WNT4: variants seen among roughly 807,000 people sequenced by gnomAD.
The protein encoded by WNT4 is protein Wnt-4.
Under a neutral mutation model 34.5 loss-of-function variants are expected in WNT4, and 16 were observed. That is an observed-to-expected ratio of 0.46 (90% confidence interval 0.31 to 0.70). The LOEUF (loss-of-function observed/expected upper bound fraction) is 0.70, where lower values mean the gene tolerates loss of function less well. Among genes scored for constraint, WNT4 ranks in the 30% least tolerant of loss-of-function variants. The pLI, the probability that WNT4 is intolerant of heterozygous loss-of-function variation, is 0.04. For missense variants in WNT4, 379 were observed against 495.9 expected, an observed-to-expected ratio of 0.76 and a Z score of 2.24; for synonymous variants, 200 against 211.9, an observed-to-expected ratio of 0.94 and a Z score of 0.49.
At chr1:22,129,885 C>T (rs1464265608) in intron 1 of WNT4, 34 bp from the exon 2 acceptor site, 1 of 1,609,106 alleles carries the variant, frequency 6.2e-7, no homozygotes, top group Non-Finnish European at 8.5e-7. Flanking sequence ...GCAGAGCCCA[C>T]CTCCTCATCT....
At chr1:22,131,225 G>C (rs1004245707) in intron 1 of WNT4, among the ~76,000 whole-genome samples, 19 of 152,248 alleles carry the variant, frequency 1.2e-4, no homozygotes, top group African/African-American at 4.3e-4. Flanking sequence ...CTGGGGAGCT[G>C]TCTCCCCATC....
rs1040456 is a variant in WNT4 at position 22,134,022 on chromosome 1, A to G, written c.78-4171T>C. On this transcript the variant is annotated intron_variant, in intron 1 of 4. Transcript: ENST00000290167. The surrounding 1 kb of genome is among the most constrained non-coding windows in gnomAD (Gnocchi z 4.1). Reference sequence around the variant, plus strand: ...AATCTGCACCTCTGCGACTCCTCCCAGCTCTTACGCTGTGAGTCAAGAGGA... The same window carrying G: ...AATCTGCACCTCTGCGACTCCTCCCGGCTCTTACGCTGTGAGTCAAGAGGA... Among the ~76,000 whole-genome samples the G allele has an allele frequency of 0.94, 142,694 of 152,350 alleles. 66,969 individuals are homozygous for G. Among genetic ancestry groups the G allele is most frequent in the East Asian group, 1 (5,181 of 5,184 alleles).
In WNT4 at chr1:22,142,157, T is replaced by A. The variant is rs1156732235; in HGVS notation, c.77+689A>T. Among the ~76,000 whole-genome samples the A allele has an allele frequency of 6.6e-6, 1 of 152,108 alleles. No individual in the cohort carries two copies. The highest frequency in any genetic ancestry group is 2.4e-5 in the African/African-American group (1 of 41,424). On this transcript the variant is annotated intron_variant, in intron 1 of 4. Transcript: ENST00000290167. This position sits in a 1 kb window ranked among gnomAD's most constrained non-coding sequence, Gnocchi z 6.0. ...GGAGAAACAGACAGGTCACCAGCGG[T>A]TACCACCCCTTCCTCCTTAGGCTAG...
rs1463128976 is a variant in WNT4, at chr1:22,137,967, A to T, written c.77+4879T>A. Reference sequence around the variant, plus strand: ...GACAACAGCTGAGAACCCTCTAAACAAGCCCACCTTTCATTCATCCATCAA... The same window carrying T: ...GACAACAGCTGAGAACCCTCTAAACTAGCCCACCTTTCATTCATCCATCAA... On this transcript the variant is annotated intron_variant, in intron 1 of 4. Coordinates refer to ENST00000290167, the MANE Select transcript of WNT4 (RefSeq NM_030761.5). The surrounding 1 kb of genome is among the most constrained non-coding windows in gnomAD (Gnocchi z 5.3). 6.6e-6 allele frequency among the ~76,000 whole-genome samples: 1 copy of T among 152,156 alleles called. No individual in the cohort carries two copies. The highest frequency in any genetic ancestry group is 1.5e-5 in the Non-Finnish European group (1 of 68,030).
Position 22,142,874 on chromosome 1 carries a change from C to G in WNT4, c.49G>C (p.Val17Leu). 1 of 1,211,488 alleles carries G rather than the reference C, an allele frequency of 8.3e-7. No homozygotes were observed. The highest frequency in any genetic ancestry group is 1.1e-6 in the Non-Finnish European group (1 of 946,490). 75.0% of individuals were successfully genotyped at this position (1,211,488 alleles called of 1,614,324 possible). Reference protein sequence around the residue: ...LRSLRLLVFAVFSAAASNWLY... With the variant: ...LRSLRLLVFALFSAAASNWLY... ...CAGTTGCTCGCGGCGGCTGAGAAGA[C>G]GGCGAAGACGAGGAGGCGCAGCGAA... The change falls in exon 1 of 5, where the codon GTC becomes CTC. Residue 17 changes from valine to leucine, a missense_variant. By Grantham distance (32) the Val-to-Leu change is conservative (BLOSUM62 1). This residue lies in a region of WNT4 where 66 missense variants were observed against 50.1 expected (regional missense o/e 1.32). Transcript: ENST00000290167. This position sits in a 1 kb window ranked among gnomAD's most constrained non-coding sequence, Gnocchi z 6.0.
At position 22,137,938 on chromosome 1, in the gene WNT4, AT is replaced by A. The variant is rs1388089805; in HGVS notation, c.77+4907del. Among the ~76,000 whole-genome samples the A allele has an allele frequency of 6.6e-6, 1 of 152,196 alleles. No homozygotes were observed. The highest frequency in any genetic ancestry group is 6.5e-5 in the Admixed American group (1 of 15,280). ...TGCAGGCCTTTGAAGATGGGCTACC[AT>A]TGGACAACAGCTGAGAACCCTCTAA... is the stretch of plus-strand genomic sequence containing the variant. On this transcript the variant is annotated intron_variant, in intron 1 of 4. Coordinates refer to ENST00000290167, the MANE Select transcript of WNT4 (RefSeq NM_030761.5). This position sits in a 1 kb window ranked among gnomAD's most constrained non-coding sequence, Gnocchi z 5.3.
chr1:22,137,715 C>G lies in WNT4; in HGVS notation c.77+5131G>C, dbSNP rs2124132797. ...TCGTGACTGCTGCCTGAGCAACCCC[C>G]TCGGGCAGAGCCTGGTCCTGGGGTG... On this transcript the variant is annotated intron_variant, in intron 1 of 4. Transcript: ENST00000290167. This position sits in a 1 kb window ranked among gnomAD's most constrained non-coding sequence, Gnocchi z 5.3. Among the ~76,000 whole-genome samples, 1 of 152,332 alleles carries G rather than the reference C, an allele frequency of 6.6e-6. No homozygotes were observed. Among genetic ancestry groups the G allele is most frequent in the African/African-American group, 2.4e-5 (1 of 41,578 alleles).
chr1:22,122,580 A>G (rs1645909861), intron 2 of WNT4, among the ~76,000 whole-genome samples: 1 of 152,190 alleles, frequency 6.6e-6, no homozygotes, highest in African/African-American at 2.4e-5. Context: ...ACCAGACAGC[A>G]GACCATGCTC....
At chr1:22,124,704 A>G (rs1459462747) in intron 2 of WNT4, among the ~76,000 whole-genome samples, 1 of 152,192 alleles carries the variant, frequency 6.6e-6, no homozygotes, top group African/African-American at 2.4e-5. Flanking sequence ...TTCAGAGCGT[A>G]TCACTTGTGA....
At position 22,118,623 on chromosome 1, in the gene WNT4, G is replaced by C. The variant is rs1357368746; in HGVS notation, c.*1427C>G. 1.3e-5 allele frequency: 2 copies of C among 152,380 alleles called. No homozygotes were observed. The highest frequency in any genetic ancestry group is 4.8e-5 in the African/African-American group (2 of 41,448). 9.4% of individuals were successfully genotyped at this position (152,380 alleles called of 1,614,324 possible). A position where few individuals can be genotyped will look rare whatever the true frequency, so the allele number is the denominator to read the frequency against. On this transcript the variant is annotated 3_prime_UTR_variant, in exon 5 of 5. Transcript: ENST00000290167. The stretch of plus-strand genomic sequence containing the variant: ...CTGAGACCTCACTGTCAGCCTTCCA[G>C]CTGTTCACATCTTTCCTCAGAGCCT...
At chr1:22,136,800 A>AG (rs1036171603) in intron 1 of WNT4, among the ~76,000 whole-genome samples, 7 of 152,140 alleles carry the variant, frequency 4.6e-5, no homozygotes, top group African/African-American at 1.7e-4. Context: ...CCTGGCAGGA[A>AG]GGTTCCCCAG....
At chr1:22,128,783 G>A (rs1218114371) in intron 2 of WNT4, among the ~76,000 whole-genome samples, 2 of 151,442 alleles carry the variant, frequency 1.3e-5, no homozygotes, top group South Asian at 2.1e-4. Flanking sequence ...GCAGTGGCAC[G>A]ATCTCAGCTC....
chr1:22,127,571 C>A, intron 2 of WNT4: 1 of 443,864 alleles, frequency 2.3e-6, no homozygotes, highest in South Asian at 1.7e-5. Flanking sequence ...TGAGGAGATA[C>A]GCATTTCAAT....
At chr1:22,132,991 A>T (rs1645995718) in intron 1 of WNT4, among the ~76,000 whole-genome samples, 1 of 152,122 alleles carries the variant, frequency 6.6e-6, no homozygotes. Context: ...TGCCCGTTTC[A>T]GTATCCAACT....
At position 22,121,446 on chromosome 1, in the gene WNT4, C is replaced by A. The variant is rs1390654051; in HGVS notation, c.444G>T (p.Gln148His). 1 of 1,613,918 alleles carries A rather than the reference C, an allele frequency of 6.2e-7. No individual in the cohort carries two copies. Among genetic ancestry groups the A allele is most frequent in the African/African-American group, 1.3e-5 (1 of 74,934 alleles). Residue 148 changes from glutamine to histidine, a missense_variant and splice_region_variant, in exon 3 of 5, where the codon CAG becomes CAT. By Grantham distance (24) the Gln-to-His change is conservative. This residue lies in a region of WNT4 where 313 missense variants were observed against 445.8 expected (regional missense o/e 0.70). Transcript: ENST00000290167. The part of the protein sequence containing the change: ...CDRTVHGVSP[Q>H]GFQWSGCSDN... ...ACTCTGACCACCTCCTGCACCTACC[C>A]TGTGGGCTGACCCCATGCACTGTCC... is the stretch of plus-strand genomic sequence containing the variant.
Position 22,142,747 on chromosome 1 carries a change from G to C in WNT4, c.77+99C>G. On this transcript the variant is annotated intron_variant, in intron 1 of 4. Coordinates refer to ENST00000290167, the MANE Select transcript of WNT4 (RefSeq NM_030761.5). This position sits in a 1 kb window ranked among gnomAD's most constrained non-coding sequence, Gnocchi z 6.0. ...GTCCCGCGGCCGAGACACCTGCCGGGCTGCCCCGCGCCCGCTGCCCCGCGC... is the reference window on the plus strand; with the variant it reads ...GTCCCGCGGCCGAGACACCTGCCGGCCTGCCCCGCGCCCGCTGCCCCGCGC... 1.2e-6 allele frequency: 1 copy of C among 837,186 alleles called. No individual in the cohort carries two copies. Among genetic ancestry groups the C allele is most frequent in the Non-Finnish European group, 1.4e-6 (1 of 696,030 alleles). The allele number at this position is 837,186 out of a possible 1,614,324, so 51.9% of individuals were successfully genotyped here.
At position 22,117,893 on chromosome 1, in the gene WNT4, A is replaced by G. The variant is rs1161245429; in HGVS notation, c.*2157T>C. 1 of 152,158 alleles carries G rather than the reference A, an allele frequency of 6.6e-6. No individual in the cohort carries two copies. The highest frequency in any genetic ancestry group is 1.9e-4 in the East Asian group (1 of 5,188). The allele number at this position is 152,158 out of a possible 1,614,324, so 9.4% of individuals were successfully genotyped here. On this transcript the variant is annotated 3_prime_UTR_variant, in exon 5 of 5. Coordinates refer to ENST00000290167, the MANE Select transcript of WNT4 (RefSeq NM_030761.5). ...CTCATTGTTCCCTCTTTCTGGGTCT[A>G]GCCTCTGCTAGTGAGGCATAGTATT...
chr1:22,120,139 C>G lies in WNT4; in HGVS notation c.967G>C (p.Ala323Pro). The G allele has an allele frequency of 6.2e-6, 10 of 1,613,384 alleles. No homozygotes were observed. The highest frequency in any genetic ancestry group is 8.5e-6 in the Non-Finnish European group (10 of 1,179,882). Residue 323 changes from alanine (A) to proline (P), a missense_variant, in exon 5 of 5, where the codon GCT becomes CCT. Coordinates refer to ENST00000290167, the MANE Select transcript of WNT4 (RefSeq NM_030761.5). ...TGGAATTTGCAGCTGCAGCGTTCAG[C>G]CAGCTCCACCTGCGCCGTGTGGAAG... is the stretch of plus-strand genomic sequence containing the variant. ...RGFHTAQVEL[A>P]ERCSCKFHWC...
intron 4 of WNT4, among the ~76,000 whole-genome samples, chr1:22,120,900 G>C (rs1645892379): frequency 6.6e-6 from 1 of 152,176 alleles, no homozygotes; most frequent in African/African-American, 2.4e-5. Context: ...GTGATGGAGA[G>C]AAAGGTTCAC....
Sources: gnomAD v4.1 joint callset for allele counts (sites outside exome capture counted in the v4.1 genomes callset) on GRCh38, gnomAD v4.1.1 for gene constraint, gnomAD v4.1.1 regional missense constraint, Gnocchi (gnomAD v3.1) non-coding constraint, MANE v1.5 for transcripts, NCBI Gene and HGNC (gene_info 2026-07-23, HGNC 2026-07-21) for gene names.